RHOT1: variants seen among roughly 807,000 people sequenced by gnomAD.
RHOT1 encodes the protein ras homolog family member T1.
Under a neutral mutation model 95.3 loss-of-function variants are expected in RHOT1, and 27 were observed. The observed-to-expected ratio is 0.28, with a 90% CI of 0.21 to 0.39. The LOEUF (loss-of-function observed/expected upper bound fraction) is 0.39, where lower values mean the gene tolerates loss of function less well. RHOT1 is among the 10% of genes least tolerant of loss of function. The probability of loss-of-function intolerance (pLI) is 1.00; values close to 1 mark genes in which losing one functional copy is unlikely to be tolerated. For missense variants in RHOT1, 578 were observed against 786.7 expected, an observed-to-expected ratio of 0.73 and a Z score of 3.17; for synonymous variants, 227 against 263.5, an observed-to-expected ratio of 0.86 and a Z score of 1.34.
chr17:32,206,998 A>G lies in RHOT1; in HGVS notation c.1505A>G (p.Lys502Arg). The change falls in exon 17 of 20, where the codon AAA (lysine) becomes AGA (arginine). Residue 502 changes from lysine to arginine, a missense_variant. Physicochemically the swap from Lys to Arg is conservative, Grantham distance 26. Transcript: ENST00000545287. ...CTGGTATATGATGTCAGCAATCCCA[A>G]ATCCTTTGAATACTGTGCCAGGATT... ...VCLVYDVSNP[K>R]SFEYCARIFK... 6.2e-7 allele frequency: 1 copy of G among 1,612,672 alleles called. No individual in the cohort carries two copies. The highest frequency in any genetic ancestry group is 8.5e-7 in the Non-Finnish European group (1 of 1,179,468).
intron 14 of RHOT1, 134 bp from the exon 15 acceptor site, chr17:32,202,634 AAT>A: frequency 1.6e-6 from 1 of 630,924 alleles, no homozygotes; most frequent in Non-Finnish European, 2.7e-6. Context: ...ACTGTTGTAC[AAT>A]ATGTTTGTTT....
At chr17:32,222,743 T>A in intron 19 of RHOT1, 1 of 389,944 alleles carries the variant, frequency 2.6e-6, no homozygotes, top group Non-Finnish European at 3.5e-6. Flanking sequence ...GCAAACTGTG[T>A]GCATGTGTAT....
At chr17:32,213,268 A>G (rs190633636) in intron 19 of RHOT1, among the ~76,000 whole-genome samples, 3 of 152,348 alleles carry the variant, frequency 2.0e-5, no homozygotes, top group African/African-American at 7.2e-5. Context: ...CAGTCATTTC[A>G]AACATTATTT....
Position 32,202,432 on chromosome 17 carries a change from A to C in RHOT1, c.1202-338A>C, listed in dbSNP as rs943979651. ...TTTATCACAGAAAAAATTAGATGGAATATAATGTTGGCTATATTCTTAGTA... is the reference window on the plus strand; with the variant it reads ...TTTATCACAGAAAAAATTAGATGGACTATAATGTTGGCTATATTCTTAGTA... On this transcript the variant is annotated intron_variant, in intron 14 of 19. Transcript: ENST00000545287. 6.6e-5 allele frequency among the ~76,000 whole-genome samples: 10 copies of C among 152,222 alleles called. No individual in the cohort carries two copies. In the South Asian group the frequency reaches 1.9e-3, roughly 28 times the overall value.
chr17:32,176,474 TCAGA>T (rs2035010141), intron 6 of RHOT1, among the ~76,000 whole-genome samples: 1 of 152,176 alleles, frequency 6.6e-6, no homozygotes, highest in Admixed American at 6.5e-5. Context: ...ATTCACAACT[TCAGA>T]CAGATTATTT....
At chr17:32,193,069 T>C in intron 9 of RHOT1, 67 bp from the exon 10 acceptor site, 1 of 935,680 alleles carries the variant, frequency 1.1e-6, no homozygotes, top group East Asian at 2.6e-5. Context: ...TTGTAGATTA[T>C]CATTTTATAT....
At chr17:32,198,093 C>T (rs1219747809) in intron 11 of RHOT1, among the ~76,000 whole-genome samples, 1 of 151,936 alleles carries the variant, frequency 6.6e-6, no homozygotes, top group Non-Finnish European at 1.5e-5. Flanking sequence ...ATGGAGTTCA[C>T]TTTGTTGCCC....
At chr17:32,167,158 G>A (rs1319120952) in intron 1 of RHOT1, among the ~76,000 whole-genome samples, 1 of 152,050 alleles carries the variant, frequency 6.6e-6, no homozygotes, top group Non-Finnish European at 1.5e-5. Context: ...TGGGTGACCA[G>A]GTGTATTGTC....
chr17:32,208,317 C>T lies in RHOT1; in HGVS notation c.1739+8C>T, dbSNP rs1379323636. On this transcript the variant is annotated splice_region_variant and intron_variant, in intron 18 of 19. Transcript: ENST00000545287. ...AACAATGGCCATGTATCCGTAAGTA[C>T]TTGCTGTCTTCATTTTCATGTTGCA... 1.9e-6 allele frequency: 3 copies of T among 1,610,004 alleles called. No homozygotes were observed. Among genetic ancestry groups the T allele is most frequent in the Non-Finnish European group, 2.6e-6 (3 of 1,176,430 alleles).
In RHOT1 at chr17:32,151,480, A is replaced by G; in HGVS notation, c.37+8751A>G. Reference sequence around the variant, plus strand: ...TGTTGATGAAAGAGTCTAGCTAGGGATTCTCTGGGGCCATTCTGTTCATCA... The same window carrying G: ...TGTTGATGAAAGAGTCTAGCTAGGGGTTCTCTGGGGCCATTCTGTTCATCA... On this transcript the variant is annotated intron_variant, in intron 1 of 19. Coordinates refer to ENST00000545287, the MANE Select transcript of RHOT1 (RefSeq NM_001033566.3). 7 of 610,854 alleles carry G rather than the reference A, an allele frequency of 1.1e-5. No individual in the cohort carries two copies. The South Asian group carries it at 1.2e-4, about 10-fold the overall frequency. 37.8% of individuals were successfully genotyped at this position (610,854 alleles called of 1,614,324 possible). A position where few individuals can be genotyped will look rare whatever the true frequency, so the allele number is the denominator to read the frequency against.
Position 32,207,199 on chromosome 17 carries a change from A to G in RHOT1, c.1536+170A>G, listed in dbSNP as rs553362585. 2.7e-3 allele frequency: 1,508 copies of G among 566,548 alleles called. 4 individuals carry two copies. Among genetic ancestry groups the G allele is most frequent in the Non-Finnish European group, 3.3e-3 (1,139 of 343,248 alleles). The allele number at this position is 566,548 out of a possible 1,614,324, so 35.1% of individuals were successfully genotyped here. On this transcript the variant is annotated intron_variant, in intron 17 of 19. Coordinates refer to ENST00000545287, the MANE Select transcript of RHOT1 (RefSeq NM_001033566.3). ...TTCTGGTTTTGTTCTAAAGTGGTAGAGTCTCAGACATACATATTTCTGAAA... is the reference window on the plus strand; with the variant it reads ...TTCTGGTTTTGTTCTAAAGTGGTAGGGTCTCAGACATACATATTTCTGAAA...
At position 32,225,419 on chromosome 17, in the gene RHOT1, T is replaced by G. The variant is rs2039070165; in HGVS notation, c.*686T>G. The G allele has an allele frequency of 6.6e-6, 1 of 152,568 alleles. No homozygotes were observed. The highest frequency in any genetic ancestry group is 2.4e-5 in the African/African-American group (1 of 41,444). The allele number at this position is 152,568 out of a possible 1,614,324, so 9.5% of individuals were successfully genotyped here. On this transcript the variant is annotated 3_prime_UTR_variant, in exon 20 of 20. Transcript: ENST00000545287. ...TTCCTTGTCAGTATGTTGAATTTTA[T>G]AGCCCTTTCAATGAAATAAAAAAAA...
chr17:32,222,142 A>C (rs1385446290), intron 19 of RHOT1, among the ~76,000 whole-genome samples: 1 of 152,236 alleles, frequency 6.6e-6, no homozygotes, highest in African/African-American at 2.4e-5. Flanking sequence ...CATGATAATC[A>C]CAGGGAGGCC....
At chr17:32,175,680 T>G (rs2034944384) in intron 4 of RHOT1, among the ~76,000 whole-genome samples, 1 of 152,206 alleles carries the variant, frequency 6.6e-6, no homozygotes, top group South Asian at 2.1e-4. Context: ...AGTCTCAAAC[T>G]CCTGCCCTCA....
chr17:32,192,984 A>G (rs1327085670), intron 9 of RHOT1, 152 bp from the exon 10 acceptor site: 7 of 566,478 alleles, frequency 1.2e-5, no homozygotes, highest in Non-Finnish European at 1.9e-5. Flanking sequence ...CTTAAATAAT[A>G]CATTTAAAAA....
At chr17:32,219,367 G>A (rs1361944784) in intron 19 of RHOT1, among the ~76,000 whole-genome samples, 1 of 152,084 alleles carries the variant, frequency 6.6e-6, no homozygotes, top group African/African-American at 2.4e-5. Flanking sequence ...GTCTTAAGCA[G>A]CCCTCCAACT....
At chr17:32,196,366 A>T (rs1277295122) in intron 11 of RHOT1, among the ~76,000 whole-genome samples, 1 of 151,906 alleles carries the variant, frequency 6.6e-6, no homozygotes, top group Admixed American at 6.6e-5. Flanking sequence ...TAATTTTTAA[A>T]TTTTTTGTAG....
At chr17:32,149,635 A>ATATATATGTGTG (rs1445281403) in intron 1 of RHOT1, among the ~76,000 whole-genome samples, 11 of 59,076 alleles carry the variant, frequency 1.9e-4, no homozygotes, top group Non-Finnish European at 2.4e-4. Context: ...ATATATATAT[A>ATATATATGTGTG]TGTGTGTGTG....
chr17:32,176,379 C>T lies in RHOT1; in HGVS notation c.329+166C>T, dbSNP rs115786883. On this transcript the variant is annotated intron_variant, in intron 6 of 19. Coordinates refer to ENST00000545287, the MANE Select transcript of RHOT1 (RefSeq NM_001033566.3). ...CAGTTTTTCTGTCTGTTCATACACACACCCACGTGCCTTTTTTGGGGGGAT... is the reference window on the plus strand; with the variant it reads ...CAGTTTTTCTGTCTGTTCATACACATACCCACGTGCCTTTTTTGGGGGGAT... Among the ~76,000 whole-genome samples the T allele has an allele frequency of 6.6e-3, 999 of 152,166 alleles. 19 individuals carry two copies. Among genetic ancestry groups the T allele is most frequent in the African/African-American group, 0.023 (940 of 41,518 alleles).
Sources: gnomAD v4.1 joint callset for allele counts (sites outside exome capture counted in the v4.1 genomes callset) on GRCh38, gnomAD v4.1.1 for gene constraint, MANE v1.5 for transcripts, NCBI Gene and HGNC (gene_info 2026-07-23, HGNC 2026-07-21) for gene names.